Variants in GPM6A observed in about 807,000 individuals in gnomAD.
The protein encoded by GPM6A is neuronal membrane glycoprotein M6-a.
GPM6A carries 7 observed loss-of-function variants against 32.1 expected under a neutral mutation model. The ratio of observed to expected loss-of-function variants is 0.22; its 90% confidence interval spans 0.12 to 0.41. The LOEUF (loss-of-function observed/expected upper bound fraction) is 0.41. Among genes scored for constraint, GPM6A ranks in the 10% least tolerant of loss-of-function variants. GPM6A has a pLI of 1.00. For missense variants in GPM6A, 235 were observed against 347.2 expected (o/e 0.68, Z 2.57); for synonymous variants, 130 against 123.4 (o/e 1.05, Z -0.35).
At chr4:175,950,646 G>A (rs1196807754) in intron 1 of GPM6A, among the ~76,000 whole-genome samples, 6 of 152,110 alleles carry the variant, frequency 3.9e-5, no homozygotes, top group Non-Finnish European at 8.8e-5. Context: ...CAACAGATTG[G>A]GCAGTGCTAT....
At chr4:175,867,287 T>C (rs897835563) in intron 1 of GPM6A, among the ~76,000 whole-genome samples, 1 of 152,202 alleles carries the variant, frequency 6.6e-6, no homozygotes, top group Admixed American at 6.5e-5. Context: ...GTTTCTTTCA[T>C]AAATTGCGCC....
chr4:175,777,405 C>A (rs1579488895), intron 1 of GPM6A, among the ~76,000 whole-genome samples: 1 of 151,832 alleles, frequency 6.6e-6, no homozygotes, highest in African/African-American at 2.4e-5. Context: ...TAGTCCTTAT[C>A]CTATTGTAAG....
intron 1 of GPM6A, among the ~76,000 whole-genome samples, chr4:175,959,432 G>GCACA (rs138172319): frequency 3.1e-4 from 46 of 149,086 alleles, no homozygotes; most frequent in African/African-American, 8.8e-4. Context: ...GTACACACAT[G>GCACA]CACACACACA....
intron 3 of GPM6A, among the ~76,000 whole-genome samples, chr4:175,656,616 C>T (rs1223638359): frequency 6.6e-6 from 1 of 152,058 alleles, no homozygotes; most frequent in Non-Finnish European, 1.5e-5. Context: ...TGACATATTG[C>T]TTCTTGATTA....
intron 4 of GPM6A, among the ~76,000 whole-genome samples, chr4:175,646,043 C>T (rs1301008053): frequency 6.6e-6 from 1 of 152,076 alleles, no homozygotes; most frequent in Admixed American, 6.5e-5. Context: ...GACTCCTCTC[C>T]TTTGGCCCTA....
intron 1 of GPM6A, among the ~76,000 whole-genome samples, chr4:175,758,916 C>T (rs1376817296): frequency 1.3e-5 from 2 of 152,132 alleles, no homozygotes; most frequent in Non-Finnish European, 2.9e-5. Context: ...GGCAGACAGC[C>T]TCTTCCATTT....
intron 1 of GPM6A, among the ~76,000 whole-genome samples, chr4:175,905,767 A>G (rs1738110961): frequency 6.6e-6 from 1 of 152,026 alleles, no homozygotes; most frequent in East Asian, 1.9e-4. Flanking sequence ...GGGTCTTCAT[A>G]TTGTCTAAGA....
intron 1 of GPM6A, among the ~76,000 whole-genome samples, chr4:175,823,342 T>G (rs1243301107): frequency 1.3e-5 from 2 of 152,164 alleles, no homozygotes; most frequent in East Asian, 3.9e-4. Flanking sequence ...AGTGGATGAT[T>G]TTTTTTGGCT....
chr4:176,001,583 C>A (rs1332313494), intron 1 of GPM6A, among the ~76,000 whole-genome samples: 2 of 152,190 alleles, frequency 1.3e-5, no homozygotes, highest in Non-Finnish European at 2.9e-5. Flanking sequence ...AATAAGCGGA[C>A]CCTGCCTGGA....
intron 1 of GPM6A, among the ~76,000 whole-genome samples, chr4:175,969,924 C>T (rs940881138): frequency 6.6e-6 from 1 of 152,118 alleles, no homozygotes; most frequent in Non-Finnish European, 1.5e-5. Context: ...CACCAAAAGG[C>T]ATACAATCAT....
At chr4:175,780,062 A>G (rs1447214021) in intron 1 of GPM6A, among the ~76,000 whole-genome samples, 1 of 148,536 alleles carries the variant, frequency 6.7e-6, no homozygotes, top group African/African-American at 2.5e-5. Flanking sequence ...TTTTTTTTTG[A>G]AATGGAGTCT....
At chr4:175,931,122 A>C (rs1739024496) in intron 1 of GPM6A, among the ~76,000 whole-genome samples, 1 of 152,168 alleles carries the variant, frequency 6.6e-6, no homozygotes, top group Non-Finnish European at 1.5e-5. Context: ...TTAACTGGGA[A>C]CTGAGATTGA....
At chr4:175,859,983 A>G (rs1025359920) in intron 1 of GPM6A, among the ~76,000 whole-genome samples, 4 of 152,164 alleles carry the variant, frequency 2.6e-5, no homozygotes, top group Admixed American at 6.6e-5. Flanking sequence ...ACCATTTTAA[A>G]CTATTTTGAC....
chr4:175,671,214 C>T (rs1339456854), intron 3 of GPM6A, among the ~76,000 whole-genome samples: 1 of 151,580 alleles, frequency 6.6e-6, no homozygotes, highest in African/African-American at 2.4e-5. Flanking sequence ...AATTAGTAAC[C>T]ATTTACTTTT....
Position 175,721,148 on chromosome 4 carries a change from A to AATATATAT in GPM6A, c.38-19389_38-19382dup, listed in dbSNP as rs3032644. On this transcript the variant is annotated intron_variant, in intron 1 of 6. Transcript: ENST00000393658. Reference sequence around the variant, plus strand: ...TTTAAAAAGAATATATATATATTCTAATATATATATATATATATTTTCTAT... The same window carrying AATATATAT: ...TTTAAAAAGAATATATATATATTCTAATATATATATATATATATATATATATTTTCTAT... Among the ~76,000 whole-genome samples the AATATATAT allele has an allele frequency of 9.8e-4, 133 of 135,198 alleles. 3 individuals are homozygous for AATATATAT. The highest frequency in any genetic ancestry group is 6.5e-3 in the South Asian group (28 of 4,312). The allele number at this position is 135,198 out of a possible 152,430, so 88.7% of individuals were successfully genotyped here. A position where few individuals can be genotyped will look rare whatever the true frequency, so the allele number is the denominator to read the frequency against.
intron 1 of GPM6A, among the ~76,000 whole-genome samples, chr4:175,747,475 C>A (rs981812085): frequency 4.6e-5 from 7 of 151,980 alleles, no homozygotes; most frequent in Non-Finnish European, 7.4e-5. Context: ...TCCATTCCAG[C>A]CCATTACAAT....
At chr4:175,782,556 T>A (rs1733651271) in intron 1 of GPM6A, among the ~76,000 whole-genome samples, 1 of 152,116 alleles carries the variant, frequency 6.6e-6, no homozygotes, top group Non-Finnish European at 1.5e-5. Flanking sequence ...TGGTCCTTTT[T>A]AATACAATGC....
chr4:175,973,196 G>C (rs992704604), intron 1 of GPM6A, among the ~76,000 whole-genome samples: 19 of 152,128 alleles, frequency 1.2e-4, no homozygotes, highest in African/African-American at 4.6e-4. Context: ...ATTGAGCCTT[G>C]GGGCATTCAG....
At chr4:175,787,258 A>C in intron 1 of GPM6A, 1 of 812,476 alleles carries the variant, frequency 1.2e-6, no homozygotes, top group South Asian at 1.4e-5. Flanking sequence ...TGAGGCATGC[A>C]CTACAGAGAT....
Sources: gnomAD v4.1 joint callset for allele counts (sites outside exome capture counted in the v4.1 genomes callset) on GRCh38, gnomAD v4.1.1 for gene constraint, MANE v1.5 for transcripts, NCBI Gene and HGNC (gene_info 2026-07-23, HGNC 2026-07-21) for gene names.